The following C2CD3 variants were observed in gnomAD, a reference collection of about 807,000 sequenced individuals.
C2CD3 encodes C2 domain-containing protein 3.
A neutral mutation model predicts 234.0 loss-of-function variants in C2CD3; 148 were observed. The observed-to-expected ratio is 0.63, with a 90% confidence interval of 0.55 to 0.72. The LOEUF (loss-of-function observed/expected upper bound fraction) is 0.72. Among genes scored for constraint, C2CD3 ranks in the 30% least tolerant of loss-of-function variants. C2CD3 has a pLI of 0.00. For synonymous variants in C2CD3, 1,000 were observed against 1,035.4 expected (o/e 0.97, Z 0.66); for missense variants, 2,577 against 2,811.5 (o/e 0.92, Z 1.89).
rs76077325 is a variant in C2CD3, at chr11:74,093,140, G to C, written c.3345-552C>G. ...CGCATGTGGATGGTACTCATCCCTA[G>C]TTCTGTTCCTGATGCTGTTTCCTTT... On this transcript the variant is annotated intron_variant, in intron 18 of 32. Transcript: ENST00000334126. Among the ~76,000 whole-genome samples, 4 of 151,874 alleles carry C rather than the reference G, an allele frequency of 2.6e-5. No individual in the cohort carries two copies. In the East Asian group the frequency reaches 7.7e-4, roughly 29 times the overall value.
chr11:74,043,820 G>A (rs1953206905), intron 28 of C2CD3, among the ~76,000 whole-genome samples: 1 of 151,894 alleles, frequency 6.6e-6, no homozygotes, highest in Admixed American at 6.6e-5. Context: ...TTATTGAGTT[G>A]TAAGAGTTCT....
chr11:74,038,155 G>C (rs1952832364), intron 29 of C2CD3, among the ~76,000 whole-genome samples: 1 of 152,102 alleles, frequency 6.6e-6, no homozygotes, highest in Admixed American at 6.5e-5. Flanking sequence ...AGTTCTTTCT[G>C]CACTCTTCCA....
chr11:74,039,064 C>T (rs75831808), intron 29 of C2CD3, among the ~76,000 whole-genome samples: 3,344 of 152,270 alleles, frequency 0.022, 69 homozygotes, highest in African/African-American at 0.047. Flanking sequence ...ACTCAAGTCA[C>T]GGTGGTGTGT....
intron 22 of C2CD3, among the ~76,000 whole-genome samples, chr11:74,080,557 A>G (rs1176307305): frequency 6.6e-6 from 1 of 152,222 alleles, no homozygotes; most frequent in Non-Finnish European, 1.5e-5. Flanking sequence ...AGATTATTAG[A>G]TGGTTACTTT....
rs748747309 is a variant in C2CD3 at position 74,114,482 on chromosome 11, G to C, written c.1632C>G (p.Ile544Met). 6.2e-7 allele frequency: 1 copy of C among 1,613,818 alleles called. No individual in the cohort carries two copies. Among genetic ancestry groups the C allele is most frequent in the South Asian group, 1.1e-5 (1 of 91,074 alleles). The change falls in exon 10 of 33, where the codon ATC becomes ATG. Residue 544 changes from isoleucine (I) to methionine (M), a missense_variant. Ile to Met is a conservative substitution (Grantham distance 10, BLOSUM62 1). Coordinates refer to ENST00000334126, the MANE Select transcript of C2CD3 (RefSeq NM_001286577.2). ...CTGGAGGAACTCCCATGGTTTCGAT[G>C]ATGATTCTGACTGAATGTGTTCTAC... The part of the protein sequence containing the change: ...LLGRTHSVRI[I>M]IETMGVPPDS...
At chr11:74,098,511 G>A (rs1191506386) in intron 15 of C2CD3, among the ~76,000 whole-genome samples, 1 of 152,204 alleles carries the variant, frequency 6.6e-6, no homozygotes, top group Non-Finnish European at 1.5e-5. Flanking sequence ...CCCAAGTCCA[G>A]TGTCTGTGAT....
Position 74,049,467 on chromosome 11 carries a change from C to A in C2CD3, c.5231G>T (p.Trp1744Leu). 6.2e-7 allele frequency: 1 copy of A among 1,613,460 alleles called. No homozygotes were observed. Among genetic ancestry groups the A allele is most frequent in the Non-Finnish European group, 8.5e-7 (1 of 1,179,976 alleles). The change falls in exon 27 of 33, where the codon TGG (tryptophan) becomes TTG (leucine). Residue 1744 changes from tryptophan (W) to leucine (L), a missense_variant. Physicochemically the swap from Trp to Leu is moderately conservative, Grantham distance 61. Transcript: ENST00000334126. The stretch of plus-strand genomic sequence containing the variant: ...TCCACTGAAGTCTGTGATGTTGTAC[C>A]AGCCACAGACAAACTGGAAGCCAGA... ...LLSGFQFVCG[W>L]YNITDFSGEC... is the part of the protein sequence containing the mutation.
chr11:74,150,830 C>G (rs997796602), intron 3 of C2CD3, among the ~76,000 whole-genome samples: 2 of 152,004 alleles, frequency 1.3e-5, no homozygotes, highest in African/African-American at 4.8e-5. Context: ...AGTCAACATT[C>G]TAATTTCCCT....
chr11:74,158,911 A>G (rs1225248170), intron 3 of C2CD3, among the ~76,000 whole-genome samples: 1 of 152,190 alleles, frequency 6.6e-6, no homozygotes. Flanking sequence ...GGGAATGTCA[A>G]TTAGTACAAT....
intron 8 of C2CD3, among the ~76,000 whole-genome samples, chr11:74,119,534 CT>C (rs963333826): frequency 6.6e-6 from 1 of 151,872 alleles, no homozygotes; most frequent in African/African-American, 2.4e-5. Context: ...TAAAATTACC[CT>C]TTTTTCAGCA....
At chr11:74,040,037 C>T (rs559307591) in intron 29 of C2CD3, among the ~76,000 whole-genome samples, 60 of 152,290 alleles carry the variant, frequency 3.9e-4, no homozygotes, top group African/African-American at 1.4e-3. Flanking sequence ...AGTCCCCAAC[C>T]TCTGGGCTGT....
chr11:74,115,191 T>TAC (rs1474112273), intron 9 of C2CD3, among the ~76,000 whole-genome samples: 1 of 151,574 alleles, frequency 6.6e-6, no homozygotes. Flanking sequence ...TATATAGATA[T>TAC]ATACACACAC....
chr11:74,111,582 T>C (rs1369831667), intron 11 of C2CD3, among the ~76,000 whole-genome samples: 1 of 152,040 alleles, frequency 6.6e-6, no homozygotes, highest in East Asian at 1.9e-4. Flanking sequence ...AAATTCGAAA[T>C]CCTAAATACT....
At chr11:74,128,246 AATT>A (rs1352288323) in intron 7 of C2CD3, among the ~76,000 whole-genome samples, 1 of 152,316 alleles carries the variant, frequency 6.6e-6, no homozygotes, top group Non-Finnish European at 1.5e-5. Flanking sequence ...TTTGTTCCTT[AATT>A]ATTAAGTCAT....
intron 13 of C2CD3, among the ~76,000 whole-genome samples, chr11:74,106,017 A>G (rs866956129): frequency 9.9e-5 from 15 of 152,016 alleles, no homozygotes; most frequent in African/African-American, 3.4e-4. Flanking sequence ...TCCTCTGGCA[A>G]CTTTCTATCC....
At chr11:74,124,895 A>G (rs1957356733) in intron 7 of C2CD3, among the ~76,000 whole-genome samples, 1 of 152,104 alleles carries the variant, frequency 6.6e-6, no homozygotes, top group Non-Finnish European at 1.5e-5. Flanking sequence ...TGAAATTAAT[A>G]TTTATTTGAA....
chr11:74,046,755 C>G (rs117172446), intron 28 of C2CD3, among the ~76,000 whole-genome samples: 1 of 151,962 alleles, frequency 6.6e-6, no homozygotes, highest in Non-Finnish European at 1.5e-5. Context: ...TATGGATATA[C>G]GACAATTTTG....
intron 7 of C2CD3, among the ~76,000 whole-genome samples, chr11:74,130,137 G>C (rs1050938283): frequency 7.0e-6 from 1 of 143,842 alleles, no homozygotes; most frequent in South Asian, 2.2e-4. Context: ...GAGGGAGAGG[G>C]AGAGGGAGAG....
chr11:74,048,445 G>C, intron 27 of C2CD3, 107 bp from the exon 28 acceptor site: 1 of 1,141,098 alleles, frequency 8.8e-7, no homozygotes, highest in Admixed American at 2.3e-5. Context: ...TTAATTTACT[G>C]AATACTTTGT....
Sources: gnomAD v4.1 joint callset for allele counts (sites outside exome capture counted in the v4.1 genomes callset) on GRCh38, gnomAD v4.1.1 for gene constraint, MANE v1.5 for transcripts, NCBI Gene and HGNC (gene_info 2026-07-23, HGNC 2026-07-21) for gene names.